OR2A12: variants seen among roughly 807,000 people sequenced by gnomAD.
OR2A12 encodes olfactory receptor 2A12.
For synonymous variants in OR2A12, 153 were observed against 149.3 expected (o/e 1.02, Z -0.18); for missense variants, 380 against 372.5 (o/e 1.02, Z -0.17).
rs775721261 is a variant in OR2A12, at chr7:144,097,057, ACACT to A, written c.*1021_*1024del. 112 of 152,188 alleles carry A rather than the reference ACACT, an allele frequency of 7.4e-4. No homozygotes were observed. The highest frequency in any genetic ancestry group is 1.7e-3 in the Admixed American group (26 of 15,284). 9.4% of individuals were successfully genotyped at this position (152,188 alleles called of 1,614,324 possible). A position where few individuals can be genotyped will look rare whatever the true frequency, so the allele number is the denominator to read the frequency against. ...CACACGCACACACGCACACACACAC[ACACT>A]CACACGTGCACACACATTTGAGAAA... On this transcript the variant is annotated 3_prime_UTR_variant, in exon 2 of 2. Coordinates refer to ENST00000641592, the MANE Select transcript of OR2A12 (RefSeq NM_001004135.2).
chr7:144,092,180 C>T (rs2051231826), intron 1 of OR2A12, among the ~76,000 whole-genome samples: 1 of 152,098 alleles, frequency 6.6e-6, no homozygotes, highest in Non-Finnish European at 1.5e-5. Flanking sequence ...GGCCTTATTT[C>T]TGGGTTCTCT....
chr7:144,097,182 T>G lies in OR2A12; in HGVS notation c.*1142T>G, dbSNP rs944578051. 2 of 151,896 alleles carry G rather than the reference T, an allele frequency of 1.3e-5. No individual in the cohort carries two copies. The highest frequency in any genetic ancestry group is 4.8e-5 in the African/African-American group (2 of 41,356). The allele number at this position is 151,896 out of a possible 1,614,324, so 9.4% of individuals were successfully genotyped here. ...AATTTTAAAGTAGCTTGATACAAAA[T>G]CAATATAAAAATATATTATATTTTT... On this transcript the variant is annotated 3_prime_UTR_variant, in exon 2 of 2. Coordinates refer to ENST00000641592, the MANE Select transcript of OR2A12 (RefSeq NM_001004135.2).
In OR2A12 at chr7:144,092,957, A is replaced by G. The variant is rs528585949; in HGVS notation, c.-51-2100A>G. The stretch of plus-strand genomic sequence containing the variant: ...AGATGATAATATTGATCCAATAGAA[A>G]TTCCAGAAAGTCTACACACAGTGAA... On this transcript the variant is annotated intron_variant, in intron 1 of 1. Coordinates refer to ENST00000641592, the MANE Select transcript of OR2A12 (RefSeq NM_001004135.2). 5.9e-5 allele frequency among the ~76,000 whole-genome samples: 9 copies of G among 152,320 alleles called. No homozygotes were observed. The South Asian group carries it at 1.9e-3, about 32-fold the overall frequency.
At chr7:144,092,744 G>C (rs1339082923) in intron 1 of OR2A12, among the ~76,000 whole-genome samples, 1 of 151,888 alleles carries the variant, frequency 6.6e-6, no homozygotes, top group African/African-American at 2.4e-5. Context: ...TTTAAATTTT[G>C]CAGTCCTTTA....
chr7:144,093,948 G>A (rs1054716126), intron 1 of OR2A12, among the ~76,000 whole-genome samples: 1 of 151,980 alleles, frequency 6.6e-6, no homozygotes, highest in African/African-American at 2.4e-5. Context: ...ACGTGTGCAT[G>A]TATCATCACT....
intron 1 of OR2A12, among the ~76,000 whole-genome samples, chr7:144,089,361 T>A (rs1325828654): frequency 2.0e-5 from 3 of 152,064 alleles, no homozygotes; most frequent in Non-Finnish European, 1.5e-5. Context: ...TGCGTCTGTG[T>A]GTGTGTGTTA....
At position 144,096,944 on chromosome 7, in the gene OR2A12, A is replaced by T. The variant is rs1246682926; in HGVS notation, c.*904A>T. On this transcript the variant is annotated 3_prime_UTR_variant, in exon 2 of 2. Coordinates refer to ENST00000641592, the MANE Select transcript of OR2A12 (RefSeq NM_001004135.2). ...GGGTAAAGAATCAGACACAAAAAAA[A>T]TCACTTGTTTTTCTTGATTTCACTT... The T allele has an allele frequency of 6.6e-6, 1 of 152,174 alleles. No individual in the cohort carries two copies. The highest frequency in any genetic ancestry group is 1.5e-5 in the Non-Finnish European group (1 of 68,046). 9.4% of individuals were successfully genotyped at this position (152,174 alleles called of 1,614,324 possible).
chr7:144,092,400 G>A (rs1483003363), intron 1 of OR2A12, among the ~76,000 whole-genome samples: 1 of 151,978 alleles, frequency 6.6e-6, no homozygotes, highest in African/African-American at 2.4e-5. Context: ...GAATATCATC[G>A]GTAGTTTGAT....
rs774408778 is a variant in OR2A12, at chr7:144,095,506, C to A, written c.399C>A (p.Leu133=). The A allele has an allele frequency of 1.2e-5, 20 of 1,613,862 alleles. No homozygotes were observed. Among genetic ancestry groups the A allele is most frequent in the Non-Finnish European group, 1.6e-5 (19 of 1,179,884 alleles). ...TCTGTCACCCCTTGCAATACACCCTCATTATGAACTGGAGAGTGTGCACTG... is the reference window on the plus strand; with the variant it reads ...TCTGTCACCCCTTGCAATACACCCTAATTATGAACTGGAGAGTGTGCACTG... The part of the protein sequence containing the change: ...VAICHPLQYT[L]IMNWRVCTVL... The change falls in exon 2 of 2, where the codon CTC becomes CTA. Residue 133 remains leucine, a synonymous_variant. Coordinates refer to ENST00000641592, the MANE Select transcript of OR2A12 (RefSeq NM_001004135.2).
At position 144,098,682 on chromosome 7, in the gene OR2A12, G is replaced by A. The variant is rs28472460; in HGVS notation, c.*2642G>A. 0.21 allele frequency: 32,437 copies of A among 152,130 alleles called. 4,087 individuals are homozygous for A. Among genetic ancestry groups the A allele is most frequent in the African/African-American group, 0.34 (13,949 of 41,464 alleles). 9.4% of individuals were successfully genotyped at this position (152,130 alleles called of 1,614,324 possible). On this transcript the variant is annotated 3_prime_UTR_variant, in exon 2 of 2. Coordinates refer to ENST00000641592, the MANE Select transcript of OR2A12 (RefSeq NM_001004135.2). ...TGCCAAGCATCGTCGAGCTCTAGTG[G>A]GGACTTTCTTCTGGCTTTCAGAGAG... is the stretch of plus-strand genomic sequence containing the variant.
chr7:144,087,838 C>G (rs113018787), intron 1 of OR2A12, among the ~76,000 whole-genome samples: 2,692 of 152,172 alleles, frequency 0.018, 70 homozygotes, highest in African/African-American at 0.061. Context: ...TTGTTTTGAT[C>G]CTTCCTATTT....
rs1490948001 is a variant in OR2A12 at position 144,096,114 on chromosome 7, T to C, written c.*74T>C. 3.7e-6 allele frequency: 4 copies of C among 1,093,420 alleles called. No individual in the cohort carries two copies. The highest frequency in any genetic ancestry group is 5.3e-6 in the Non-Finnish European group (4 of 749,066). 67.7% of individuals were successfully genotyped at this position (1,093,420 alleles called of 1,614,324 possible). On this transcript the variant is annotated 3_prime_UTR_variant, in exon 2 of 2. Coordinates refer to ENST00000641592, the MANE Select transcript of OR2A12 (RefSeq NM_001004135.2). The stretch of plus-strand genomic sequence containing the variant: ...TGGGTCCTGAAATTTCCTTTTTAAT[T>C]CTTTAATTTACCACACCCAATACTG...
intron 1 of OR2A12, 85 bp from the exon 2 acceptor site, chr7:144,094,972 G>A (rs2051250797): frequency 1.6e-6 from 1 of 620,024 alleles, no homozygotes; most frequent in Non-Finnish European, 2.8e-6. Context: ...ACTTTGGGCT[G>A]GATGTACCCA....
chr7:144,088,979 G>A (rs988677358), intron 1 of OR2A12, among the ~76,000 whole-genome samples: 8 of 152,062 alleles, frequency 5.3e-5, no homozygotes, highest in East Asian at 1.9e-4. Context: ...TAAATAGGAA[G>A]GATCAAAACA....
At chr7:144,087,483 A>G (rs955382304) in intron 1 of OR2A12, among the ~76,000 whole-genome samples, 6 of 152,164 alleles carry the variant, frequency 3.9e-5, no homozygotes, top group African/African-American at 1.4e-4. Flanking sequence ...TTTGGGGAAA[A>G]GTCCTGGCTA....
In OR2A12 at chr7:144,096,676, CA is replaced by C. The variant is rs1345042589; in HGVS notation, c.*637del. 1.3e-5 allele frequency: 2 copies of C among 152,030 alleles called. No individual in the cohort carries two copies. The highest frequency in any genetic ancestry group is 6.6e-5 in the Admixed American group (1 of 15,250). 9.4% of individuals were successfully genotyped at this position (152,030 alleles called of 1,614,324 possible). On this transcript the variant is annotated 3_prime_UTR_variant, in exon 2 of 2. Coordinates refer to ENST00000641592, the MANE Select transcript of OR2A12 (RefSeq NM_001004135.2). ...TGAAACTATGTATACCCTTAAAATG[CA>C]GCAATAATTTAACATTAAAACAAAC...
chr7:144,095,703 T>C lies in OR2A12; in HGVS notation c.596T>C (p.Phe199Ser), dbSNP rs1490456444. ...ACTAGGCTCAACCAGGTGGTCCTAT[T>C]TGCGGGTTCTGCGTTCATCTTAGTG... ...ADTRLNQVVL[F>S]AGSAFILVGP... Residue 199 changes from phenylalanine to serine, a missense_variant, in exon 2 of 2, where the codon TTT becomes TCT. Phe to Ser is a radical substitution (Grantham distance 155, BLOSUM62 -2). Transcript: ENST00000641592. 1 of 1,614,130 alleles carries C rather than the reference T, an allele frequency of 6.2e-7. No individual in the cohort carries two copies. Among genetic ancestry groups the C allele is most frequent in the Non-Finnish European group, 8.5e-7 (1 of 1,180,008 alleles).
intron 1 of OR2A12, among the ~76,000 whole-genome samples, chr7:144,090,509 T>G (rs966930642): frequency 6.6e-6 from 1 of 152,126 alleles, no homozygotes; most frequent in Non-Finnish European, 1.5e-5. Flanking sequence ...GGATAAACTC[T>G]GTAGGTTTTA....
rs1263593027 is a variant in OR2A12 at position 144,096,253 on chromosome 7, G to A, written c.*213G>A. On this transcript the variant is annotated 3_prime_UTR_variant, in exon 2 of 2. Coordinates refer to ENST00000641592, the MANE Select transcript of OR2A12 (RefSeq NM_001004135.2). The stretch of plus-strand genomic sequence containing the variant: ...GCGGATTACCTGAGGTCAGGAGTTC[G>A]AGACCAGCCTAACCAACATGGCGAA... The A allele has an allele frequency of 7.2e-6, 3 of 418,698 alleles. No individual in the cohort carries two copies. In the South Asian group the frequency reaches 1.1e-4, roughly 15 times the overall value. 25.9% of individuals were successfully genotyped at this position (418,698 alleles called of 1,614,324 possible).
Sources: gnomAD v4.1 joint callset for allele counts (sites outside exome capture counted in the v4.1 genomes callset) on GRCh38, gnomAD v4.1.1 for gene constraint, MANE v1.5 for transcripts, NCBI Gene and HGNC (gene_info 2026-07-23, HGNC 2026-07-21) for gene names.